PAGE2B: variants seen among roughly 807,000 people sequenced by gnomAD.
The protein encoded by PAGE2B is putative G antigen family E member 3.
Under a neutral mutation model 7.6 loss-of-function variants are expected in PAGE2B, and 5 were observed. That is an observed-to-expected ratio of 0.66 (90% CI 0.34 to 1.38). The LOEUF (loss-of-function observed/expected upper bound fraction) is 1.38, where lower values mean the gene tolerates loss of function less well. Among genes scored for constraint, PAGE2B ranks in the 40% most tolerant of loss-of-function variants. The pLI, the probability that PAGE2B is intolerant of heterozygous loss-of-function variation, is 0.04. For missense variants in PAGE2B, 70 were observed against 78.4 expected (o/e 0.89, Z 0.41); for synonymous variants, 29 against 26.7 (o/e 1.09, Z -0.27).
the PAGE2B span, among the ~76,000 whole-genome samples, chrX:55,041,717 G>T: frequency 9.0e-6 from 1 of 111,485 alleles, no homozygotes; most frequent in Admixed American, 9.5e-5. Flanking sequence ...ACAGGCTCTG[G>T]GGCAGCCACA....
the PAGE2B span, among the ~76,000 whole-genome samples, chrX:55,040,047 T>C: frequency 1.9e-5 from 2 of 105,885 alleles, no homozygotes; most frequent in African/African-American, 7.1e-5. Flanking sequence ...AATATTTTCT[T>C]TTTTTTTTTT....
the PAGE2B span, among the ~76,000 whole-genome samples, chrX:55,045,668 G>T: frequency 1.8e-5 from 2 of 111,169 alleles, no homozygotes; most frequent in Non-Finnish European, 3.8e-5. Context: ...GAACCTAAGA[G>T]GATGGAAATC....
the PAGE2B span, among the ~76,000 whole-genome samples, chrX:55,032,282 C>T: frequency 4.5e-5 from 5 of 112,211 alleles, no homozygotes; most frequent in Non-Finnish European, 9.4e-5. Flanking sequence ...TCTATTTTCT[C>T]ACAAACTCAC....
chrX:55,052,056 G>C, the PAGE2B span, among the ~76,000 whole-genome samples: 1 of 112,080 alleles, frequency 8.9e-6, no homozygotes, highest in African/African-American at 3.2e-5. Flanking sequence ...AGGTCTTTTG[G>C]AGTTTACTGG....
At chrX:55,049,537 G>A in the PAGE2B span, among the ~76,000 whole-genome samples, 1 of 111,584 alleles carries the variant, frequency 9.0e-6, no homozygotes. Flanking sequence ...AGTCTTGGGA[G>A]AGTGTATGTG....
the PAGE2B span, among the ~76,000 whole-genome samples, chrX:55,049,096 G>A: frequency 9.0e-6 from 1 of 111,558 alleles, no homozygotes; most frequent in Non-Finnish European, 1.9e-5. Context: ...CTGTTTATAT[G>A]CTGGATTACA....
rs200598284 is a variant in PAGE2B at position 55,076,611 on chromosome X, C to T, written c.127C>T (p.Pro43Ser). 45 of 1,205,516 alleles carry T rather than the reference C, an allele frequency of 3.7e-5. No homozygotes were observed. The highest frequency in any genetic ancestry group is 2.7e-4 in the East Asian group (9 of 33,672). ...TEEKRQEEEPPTDNQGIAPSG... is the reference protein window; with the variant it reads ...TEEKRQEEEPSTDNQGIAPSG... The stretch of plus-strand genomic sequence containing the variant: ...GGAAAAACGTCAAGAAGAGGAACCA[C>T]CAACTGATAATCAGGGTATTGCACC... Residue 43 changes from proline to serine, a missense_variant, in exon 3 of 5, where the codon CCA (proline) becomes TCA (serine). By Grantham distance (74) the Pro-to-Ser change is moderately conservative. Coordinates refer to ENST00000374971, the MANE Select transcript of PAGE2B (RefSeq NM_001015038.3).
the PAGE2B span, among the ~76,000 whole-genome samples, chrX:55,051,134 G>C: frequency 1.4e-4 from 16 of 111,422 alleles, no homozygotes; most frequent in Non-Finnish European, 1.7e-4. Flanking sequence ...TTGAATATCG[G>C]CCCCCACTCA....
the PAGE2B span, among the ~76,000 whole-genome samples, chrX:55,029,149 C>T: frequency 9.0e-6 from 1 of 111,682 alleles, no homozygotes; most frequent in Non-Finnish European, 1.9e-5. Flanking sequence ...AATGAACGTA[C>T]AGCCAAGGGA....
At chrX:55,047,488 G>A in the PAGE2B span, among the ~76,000 whole-genome samples, 3 of 111,370 alleles carry the variant, frequency 2.7e-5, no homozygotes, top group East Asian at 5.6e-4. Flanking sequence ...CTGAGGAATC[G>A]CCACACTGAC....
At chrX:55,072,662 C>T (rs1936461503), upstream of PAGE2B, among the ~76,000 whole-genome samples, 1 of 112,588 alleles carries the variant, frequency 8.9e-6, no homozygotes, top group Non-Finnish European at 1.9e-5. Context: ...ACTGCAGCTG[C>T]ACCCACAGCC....
chrX:55,073,261 A>G (rs183686346), upstream of PAGE2B, among the ~76,000 whole-genome samples: 664 of 111,973 alleles, frequency 5.9e-3, 4 homozygotes, highest in Non-Finnish European at 9.1e-3. Flanking sequence ...GAAGCGTAGT[A>G]TCTGGGCCAG....
chrX:55,069,849 A>T, the PAGE2B span, among the ~76,000 whole-genome samples: 2 of 111,438 alleles, frequency 1.8e-5, no homozygotes, highest in East Asian at 2.8e-4. Context: ...TATAGTATTC[A>T]CTGATGGTAG....
chrX:55,049,549 T>C, the PAGE2B span, among the ~76,000 whole-genome samples: 2 of 111,588 alleles, frequency 1.8e-5, no homozygotes, highest in African/African-American at 3.3e-5. Flanking sequence ...GTGTATGTGT[T>C]GAGGAATTTA....
the PAGE2B span, chrX:55,054,957 G>A: frequency 9.0e-6 from 1 of 111,182 alleles, no homozygotes; most frequent in South Asian, 3.8e-4. Flanking sequence ...CCTTTAAAAA[G>A]GATAACGTAT....
At chrX:55,036,674 A>G in the PAGE2B span, among the ~76,000 whole-genome samples, 1 of 110,525 alleles carries the variant, frequency 9.0e-6, no homozygotes, top group African/African-American at 3.4e-5. Flanking sequence ...CAGTAACCAA[A>G]ACAGCATGGT....
chrX:55,075,240 C>T, intron 1 of PAGE2B, 126 bp downstream of exon 1: 1 of 139,319 alleles, frequency 7.2e-6, no homozygotes, highest in Admixed American at 8.9e-5. Flanking sequence ...TCGCGGTCGT[C>T]GTCCGGCCCC....
the PAGE2B span, among the ~76,000 whole-genome samples, chrX:55,030,077 C>A: frequency 9.1e-6 from 1 of 109,837 alleles, no homozygotes; most frequent in African/African-American, 3.3e-5. Flanking sequence ...CCTTTCCCAC[C>A]ATGAAAGAAT....
At chrX:55,030,742 GAA>G in the PAGE2B span, among the ~76,000 whole-genome samples, 1 of 111,174 alleles carries the variant, frequency 9.0e-6, no homozygotes, top group African/African-American at 3.3e-5. Context: ...GTAACGAAGG[GAA>G]AAAGAGAGAA....
Sources: allele counts gnomAD v4.1 joint callset (sites outside exome capture counted in the v4.1 genomes callset), GRCh38; gene constraint gnomAD v4.1.1; transcripts MANE v1.5; gene names NCBI Gene and HGNC (gene_info 2026-07-23, HGNC 2026-07-21).